NCKAP5: variants seen among roughly 807,000 people sequenced by gnomAD.
NCKAP5 encodes NCK associated protein 5, also known as nck-associated protein 5.
NCKAP5 carries 92 observed loss-of-function variants against 167.0 expected under a neutral mutation model. That is an observed-to-expected ratio of 0.55 (90% CI 0.47 to 0.66). The LOEUF (loss-of-function observed/expected upper bound fraction) is 0.66. Ranked by LOEUF, NCKAP5 falls within the 30% of genes least tolerant of loss-of-function variation. The pLI, the probability that NCKAP5 is intolerant of heterozygous loss-of-function variation, is 0.00. For synonymous variants in NCKAP5, 891 were observed against 877.4 expected, an observed-to-expected ratio of 1.02 and a Z score of -0.27; for missense variants, 2,378 against 2,315.0, an observed-to-expected ratio of 1.03 and a Z score of -0.56.
At chr2:132,817,565 G>T (rs1296721860) in intron 11 of NCKAP5, among the ~76,000 whole-genome samples, 1 of 152,116 alleles carries the variant, frequency 6.6e-6, no homozygotes, top group Admixed American at 6.5e-5. Context: ...TGCTCCATGG[G>T]AGACCAATGG....
intron 5 of NCKAP5, among the ~76,000 whole-genome samples, chr2:133,184,517 T>A (rs1168170399): frequency 2.0e-5 from 3 of 152,144 alleles, no homozygotes; most frequent in Admixed American, 2.0e-4. Context: ...GGCAATCTGT[T>A]TTATGTTCTT....
intron 15 of NCKAP5, among the ~76,000 whole-genome samples, chr2:132,776,445 G>A (rs1190493079): frequency 1.3e-5 from 2 of 152,064 alleles, no homozygotes; most frequent in Non-Finnish European, 2.9e-5. Context: ...GTGCTTAACC[G>A]CAAACACTAA....
chr2:132,820,875 G>A (rs987504706), intron 11 of NCKAP5, among the ~76,000 whole-genome samples: 2 of 152,160 alleles, frequency 1.3e-5, no homozygotes, highest in African/African-American at 4.8e-5. Flanking sequence ...GGTTGTTACT[G>A]CATAATTATT....
chr2:132,752,063 A>T lies in NCKAP5; in HGVS notation c.5129-20012T>A, dbSNP rs534913080. On this transcript the variant is annotated intron_variant, in intron 16 of 19. Transcript: ENST00000409261. The stretch of plus-strand genomic sequence containing the variant: ...AGCACAATTATCTACAAGAAGAGCA[A>T]CTCTCACTGATTTTAGCAGGAGCAT... 2.6e-5 allele frequency among the ~76,000 whole-genome samples: 4 copies of T among 152,338 alleles called. No homozygotes were observed. The South Asian group carries it at 8.3e-4, about 32-fold the overall frequency.
At chr2:133,192,782 C>A (rs1179597440) in intron 5 of NCKAP5, among the ~76,000 whole-genome samples, 2 of 152,054 alleles carry the variant, frequency 1.3e-5, no homozygotes, top group East Asian at 3.9e-4. Flanking sequence ...GTGCAGAAAC[C>A]AAATCACTCA....
chr2:132,966,162 C>T (rs571884391), intron 7 of NCKAP5, among the ~76,000 whole-genome samples: 8 of 152,242 alleles, frequency 5.3e-5, no homozygotes, highest in South Asian at 4.2e-4. Flanking sequence ...TGCAGTGGTG[C>T]GATCTCAGCT....
chr2:133,086,921 T>C (rs559897408), intron 6 of NCKAP5, among the ~76,000 whole-genome samples: 5 of 152,256 alleles, frequency 3.3e-5, no homozygotes, highest in East Asian at 3.9e-4. Context: ...AGGTATATAC[T>C]TGCCAAACAG....
intron 6 of NCKAP5, among the ~76,000 whole-genome samples, chr2:133,115,877 T>C (rs2082065687): frequency 1.4e-5 from 2 of 147,274 alleles, no homozygotes; most frequent in Non-Finnish European, 3.0e-5. Context: ...ATTGGTGATT[T>C]GCTTTTTCCG....
intron 11 of NCKAP5, among the ~76,000 whole-genome samples, chr2:132,829,232 T>A (rs1189928026): frequency 6.6e-6 from 1 of 152,080 alleles, no homozygotes; most frequent in African/African-American, 2.4e-5. Flanking sequence ...AAACTAAGGG[T>A]TGATTTATAG....
chr2:133,615,169 A>C, the NCKAP5 span, among the ~76,000 whole-genome samples: 8 of 152,108 alleles, frequency 5.3e-5, no homozygotes, highest in Admixed American at 4.6e-4. Flanking sequence ...TGGAAAGGAA[A>C]AACCGGTACC....
chr2:132,877,578 A>G (rs1208332316), intron 9 of NCKAP5, among the ~76,000 whole-genome samples: 1 of 152,158 alleles, frequency 6.6e-6, no homozygotes, highest in African/African-American at 2.4e-5. Context: ...GGGGAGGCTG[A>G]CGCTGCTGGT....
rs141996661 is a variant in NCKAP5 at position 133,471,293 on chromosome 2, G to A, written c.69+46165C>T. Among the ~76,000 whole-genome samples, 523 of 152,070 alleles carry A rather than the reference G, an allele frequency of 3.4e-3. 8 individuals are homozygous for A. Among genetic ancestry groups the A allele is most frequent in the African/African-American group, 0.012 (483 of 41,484 alleles). On this transcript the variant is annotated intron_variant, in intron 3 of 19. Transcript: ENST00000409261. Reference sequence around the variant, plus strand: ...GCCACTTTACTCCTGCTAAGTGAGCGGCTCATATGCACTTTTTTAGACTGT... The same window carrying A: ...GCCACTTTACTCCTGCTAAGTGAGCAGCTCATATGCACTTTTTTAGACTGT...
At chr2:133,470,940 C>T (rs137957126) in intron 3 of NCKAP5, among the ~76,000 whole-genome samples, 213 of 152,356 alleles carry the variant, frequency 1.4e-3, no homozygotes, top group Non-Finnish European at 2.4e-3. Flanking sequence ...GAACCCAGTA[C>T]GTCAGATGGA....
chr2:133,517,509 C>G lies in NCKAP5; in HGVS notation c.18G>C (p.Gln6His). ...TTTTTCCAAAGTCCCTTTTCTCAAGCTGTCTCTTTCCCTCCATGGATGAAG... is the reference window on the plus strand; with the variant it reads ...TTTTTCCAAAGTCCCTTTTCTCAAGGTGTCTCTTTCCCTCCATGGATGAAG... Reference protein sequence around the residue: MEGKRQLEKRDFGKRL... With the variant: MEGKRHLEKRDFGKRL... Residue 6 changes from glutamine to histidine, a missense_variant, in exon 3 of 20, where the codon CAG (glutamine) becomes CAC (histidine). By Grantham distance (24) the Gln-to-His change is conservative. Coordinates refer to ENST00000409261, the MANE Select transcript of NCKAP5 (RefSeq NM_207363.3). 1.3e-6 allele frequency: 2 copies of G among 1,538,766 alleles called. No homozygotes were observed. Among genetic ancestry groups the G allele is most frequent in the Non-Finnish European group, 8.8e-7 (1 of 1,138,896 alleles).
intron 8 of NCKAP5, among the ~76,000 whole-genome samples, chr2:132,893,824 T>C (rs552619978): frequency 1.3e-5 from 2 of 152,332 alleles, no homozygotes; most frequent in East Asian, 3.9e-4. Context: ...CATTATTTTT[T>C]AATTATAAAT....
chr2:132,757,645 A>T (rs1680661923), intron 16 of NCKAP5, among the ~76,000 whole-genome samples: 1 of 152,182 alleles, frequency 6.6e-6, no homozygotes, highest in Non-Finnish European at 1.5e-5. Context: ...CTCTCAAGCT[A>T]ATGTATTTCT....
chr2:133,178,100 A>G (rs1392007336), intron 5 of NCKAP5, among the ~76,000 whole-genome samples: 2 of 152,220 alleles, frequency 1.3e-5, no homozygotes, highest in Non-Finnish European at 2.9e-5. Flanking sequence ...ATGGAGGCTG[A>G]TAAAGAACCT....
the NCKAP5 span, among the ~76,000 whole-genome samples, chr2:133,663,164 G>A: frequency 1.3e-5 from 2 of 152,090 alleles, no homozygotes; most frequent in South Asian, 4.2e-4. Context: ...TACTCGGGAG[G>A]CTGAGGCAGG....
intron 7 of NCKAP5, among the ~76,000 whole-genome samples, chr2:132,965,753 C>A (rs1395315688): frequency 6.6e-6 from 1 of 152,066 alleles, no homozygotes; most frequent in East Asian, 1.9e-4. Flanking sequence ...ATCCTATATA[C>A]CATGTTACTG....
Sources: allele counts gnomAD v4.1 joint callset (sites outside exome capture counted in the v4.1 genomes callset), GRCh38; gene constraint gnomAD v4.1.1; transcripts MANE v1.5; gene names NCBI Gene and HGNC (gene_info 2026-07-23, HGNC 2026-07-21).